MBP: variants seen among roughly 807,000 people sequenced by gnomAD.
The protein encoded by MBP is myelin basic protein, also known as Golli-MBP.
A neutral mutation model predicts 35.8 loss-of-function variants in MBP; 16 were observed. The ratio of observed to expected loss-of-function variants is 0.45; its 90% CI spans 0.30 to 0.68. The LOEUF is 0.68. MBP is among the 30% of genes least tolerant of loss of function. The probability of loss-of-function intolerance (pLI) is 0.08; values close to 1 mark genes in which losing one functional copy is unlikely to be tolerated. For synonymous variants in MBP, 143 were observed against 159.6 expected, an observed-to-expected ratio of 0.90 and a Z score of 0.78; for missense variants, 380 against 404.7, an observed-to-expected ratio of 0.94 and a Z score of 0.52.
In MBP at chr18:77,058,043, A is replaced by G. The variant is rs1218941272; in HGVS notation, c.139+8255T>C. On this transcript the variant is annotated intron_variant, in intron 3 of 8. Transcript: ENST00000355994. ...GAGACGGGGTTTCACCGTGTTAGCC[A>G]GGATGGTGTCGATCTCCTGACCTCG... Among the ~76,000 whole-genome samples, 16 of 113,266 alleles carry G rather than the reference A, an allele frequency of 1.4e-4. 5 individuals are homozygous for G. Among genetic ancestry groups the G allele is most frequent in the Admixed American group, 3.5e-4 (4 of 11,428 alleles). The allele number at this position is 113,266 out of a possible 152,430, so 74.3% of individuals were successfully genotyped here. A position where few individuals can be genotyped will look rare whatever the true frequency, so the allele number is the denominator to read the frequency against.
At position 77,118,885 on chromosome 18, in the gene MBP, CAG is replaced by C. The variant is rs1263325871; in HGVS notation, c.-25-13601_-25-13600del. 7.4e-3 allele frequency among the ~76,000 whole-genome samples: 1,128 copies of C among 151,416 alleles called. 19 individuals carry two copies. Among genetic ancestry groups the C allele is most frequent in the African/African-American group, 0.026 (1,070 of 41,266 alleles). On this transcript the variant is annotated intron_variant, in intron 1 of 8. Coordinates refer to ENST00000355994, the MANE Select transcript of MBP (RefSeq NM_001025101.2). ...CACTCCACAGACACTTCACACACAC[CAG>C]ACACACACCACACACACAGCCACAA...
rs907511541 is a variant in MBP, at chr18:77,131,332, G to T, written c.-26+1248C>A. Among the ~76,000 whole-genome samples the T allele has an allele frequency of 2.0e-5, 3 of 152,066 alleles. No individual in the cohort carries two copies. The highest frequency in any genetic ancestry group is 4.4e-5 in the Non-Finnish European group (3 of 68,010). On this transcript the variant is annotated intron_variant, in intron 1 of 8. Transcript: ENST00000355994. This position sits in a 1 kb window ranked among gnomAD's most constrained non-coding sequence, Gnocchi z 5.5. ...TCCTTAAACTGTCCCCCGGAGCTTC[G>T]CCAGATAAAATGTCCAAAACACACA...
Position 77,066,285 on chromosome 18 carries a change from C to T in MBP, c.139+13G>A. On this transcript the variant is annotated intron_variant, in intron 3 of 8. Transcript: ENST00000355994. ...CCATGTGGCGCCATGTTGCCGATAT[C>T]TGCGTCACCTACCGAACACTTCGTT... 6.2e-7 allele frequency: 1 copy of T among 1,608,986 alleles called. No homozygotes were observed.
At chr18:77,061,472 C>T (rs1973976164) in intron 3 of MBP, among the ~76,000 whole-genome samples, 2 of 152,184 alleles carry the variant, frequency 1.3e-5, no homozygotes, top group Non-Finnish European at 2.9e-5. Flanking sequence ...TTATGATTAC[C>T]CCTACTTACG....
chr18:77,019,909 G>A (rs2123495370), intron 3 of MBP, among the ~76,000 whole-genome samples: 1 of 152,326 alleles, frequency 6.6e-6, no homozygotes, highest in East Asian at 1.9e-4. Context: ...GCCGGGCTGA[G>A]AACCTCCCAG....
chr18:76,979,270 G>A lies in MBP; in HGVS notation c.*1157C>T, dbSNP rs1362714429. ...GAAAGGAGATGCCAGCGGGTGTTAA[G>A]AAGGATATGGTCAGAAGAGCTCTTT... On this transcript the variant is annotated 3_prime_UTR_variant, in exon 9 of 9. Transcript: ENST00000355994. The A allele has an allele frequency of 6.6e-6, 1 of 152,122 alleles. No individual in the cohort carries two copies. Among genetic ancestry groups the A allele is most frequent in the Non-Finnish European group, 1.5e-5 (1 of 68,102 alleles). The allele number at this position is 152,122 out of a possible 1,614,324, so 9.4% of individuals were successfully genotyped here.
chr18:77,071,052 A>G (rs73489042), intron 2 of MBP, among the ~76,000 whole-genome samples: 6,216 of 152,294 alleles, frequency 0.041, 135 homozygotes, highest in South Asian at 0.068. Context: ...CATTTTTAAA[A>G]GATTGGTGGT....
Position 76,988,699 on chromosome 18 carries a change from G to A in MBP, c.718-172C>T. 2.2e-6 allele frequency: 3 copies of A among 1,352,448 alleles called. No individual in the cohort carries two copies. The highest frequency in any genetic ancestry group is 3.0e-6 in the Non-Finnish European group (3 of 991,000). 83.8% of individuals were successfully genotyped at this position (1,352,448 alleles called of 1,614,324 possible). Reference sequence around the variant, plus strand: ...GGGCCACAGCGGCTGTGCAGGTGCGGGAGGGACAGGAGGGGTGCATGGATC... The same window carrying A: ...GGGCCACAGCGGCTGTGCAGGTGCGAGAGGGACAGGAGGGGTGCATGGATC... On this transcript the variant is annotated intron_variant, in intron 6 of 8. Transcript: ENST00000355994. This position sits in a 1 kb window ranked among gnomAD's most constrained non-coding sequence, Gnocchi z 5.2.
intron 2 of MBP, among the ~76,000 whole-genome samples, chr18:77,084,229 A>T (rs919475157): frequency 6.6e-6 from 1 of 152,122 alleles, no homozygotes; most frequent in Admixed American, 6.5e-5. Flanking sequence ...GCAGTGTGTA[A>T]ATAATGAGTA....
intron 3 of MBP, among the ~76,000 whole-genome samples, chr18:77,039,486 T>C (rs2144612688): frequency 6.6e-6 from 1 of 152,248 alleles, no homozygotes; most frequent in Middle Eastern, 3.4e-3. Context: ...ATAAATGAAA[T>C]GGATGAGAAT....
intron 2 of MBP, among the ~76,000 whole-genome samples, chr18:77,074,460 A>T (rs1186613807): frequency 6.6e-6 from 1 of 152,152 alleles, no homozygotes; most frequent in Non-Finnish European, 1.5e-5. Context: ...CTTTCGTAGG[A>T]TTCTTTTTCT....
chr18:77,052,658 G>A (rs1318687969), intron 3 of MBP, among the ~76,000 whole-genome samples: 8 of 152,136 alleles, frequency 5.3e-5, no homozygotes, highest in Non-Finnish European at 1.0e-4. Flanking sequence ...TGTATATCCC[G>A]GCAAGCTCAG....
rs1212455460 is a variant in MBP, at chr18:77,131,075, G to GCA, written c.-26+1503_-26+1504dup. On this transcript the variant is annotated intron_variant, in intron 1 of 8. Transcript: ENST00000355994. The surrounding 1 kb of genome is among the most constrained non-coding windows in gnomAD (Gnocchi z 5.5). The stretch of plus-strand genomic sequence containing the variant: ...CAAAAAACAAAACACACACACGCGC[G>GCA]CACGCACGCGCACACACACACACAC... 2.5e-4 allele frequency among the ~76,000 whole-genome samples: 5 copies of GCA among 19,766 alleles called. No individual in the cohort carries two copies. The highest frequency in any genetic ancestry group is 1.5e-3 in the East Asian group (2 of 1,378). The allele number at this position is 19,766 out of a possible 152,430, so 13.0% of individuals were successfully genotyped here. A position where few individuals can be genotyped will look rare whatever the true frequency, so the allele number is the denominator to read the frequency against.
chr18:76,989,017 C>T lies in MBP; in HGVS notation c.682-105G>A. On this transcript the variant is annotated intron_variant, in intron 5 of 8. Coordinates refer to ENST00000355994, the MANE Select transcript of MBP (RefSeq NM_001025101.2). This position sits in a 1 kb window ranked among gnomAD's most constrained non-coding sequence, Gnocchi z 4.0. ...AGGGTGGCTAGCATCCATCAGCTGC[C>T]AGAAGCACCCGGGTGCCCAGCCTCC... The T allele has an allele frequency of 9.4e-7, 1 of 1,063,970 alleles. No individual in the cohort carries two copies. 65.9% of individuals were successfully genotyped at this position (1,063,970 alleles called of 1,614,324 possible).
chr18:77,038,868 C>T (rs1304990748), intron 3 of MBP, among the ~76,000 whole-genome samples: 2 of 152,128 alleles, frequency 1.3e-5, no homozygotes, highest in East Asian at 1.9e-4. Flanking sequence ...CATTTGTATT[C>T]TGTACTGGGC....
intron 2 of MBP, among the ~76,000 whole-genome samples, chr18:77,070,141 G>A (rs1026044593): frequency 1.3e-5 from 2 of 152,186 alleles, no homozygotes; most frequent in Non-Finnish European, 2.9e-5. Context: ...AAAGTGAGGT[G>A]ATTTTCGTGA....
At chr18:77,031,308 C>T (rs546072514) in intron 3 of MBP, among the ~76,000 whole-genome samples, 5 of 152,336 alleles carry the variant, frequency 3.3e-5, no homozygotes, top group East Asian at 3.9e-4. Context: ...GACAGACCCC[C>T]GAGGCTGTGA....
chr18:77,093,665 G>C (rs774597420), intron 2 of MBP, among the ~76,000 whole-genome samples: 24 of 152,186 alleles, frequency 1.6e-4, no homozygotes, highest in Non-Finnish European at 3.1e-4. Context: ...AAACGTTTGA[G>C]AGGCTGCTAT....
Position 77,021,364 on chromosome 18 carries a change from A to C in MBP, c.140-4096T>G, listed in dbSNP as rs191992283. 1.5e-3 allele frequency among the ~76,000 whole-genome samples: 235 copies of C among 152,358 alleles called. 1 individual carries two copies. The highest frequency in any genetic ancestry group is 2.3e-3 in the Non-Finnish European group (154 of 68,040). On this transcript the variant is annotated intron_variant, in intron 3 of 8. Coordinates refer to ENST00000355994, the MANE Select transcript of MBP (RefSeq NM_001025101.2). ...ATTCTTGTAGAAACTTTAAATAAAA[A>C]TGCAATTTCCTCTTGCATTAATAGC... is the stretch of plus-strand genomic sequence containing the variant.
Sources: allele counts gnomAD v4.1 joint callset (sites outside exome capture counted in the v4.1 genomes callset), GRCh38; gene constraint gnomAD v4.1.1; non-coding constraint Gnocchi (gnomAD v3.1); transcripts MANE v1.5; gene names NCBI Gene and HGNC (gene_info 2026-07-23, HGNC 2026-07-21).